Variants in SYT16 observed in about 807,000 individuals in gnomAD.
SYT16 encodes the protein synaptotagmin 16.
In SYT16, 42 loss-of-function variants were observed where a neutral mutation model predicts 61.4. The ratio of observed to expected loss-of-function variants is 0.68; its 90% CI spans 0.53 to 0.89. SYT16 has a LOEUF of 0.89. SYT16 is among the 40% of genes least tolerant of loss of function. SYT16 has a pLI of 0.00. For missense variants in SYT16, 804 were observed against 807.3 expected (o/e 1.00, Z 0.05); for synonymous variants, 314 against 302.3 (o/e 1.04, Z -0.40).
intron 1 of SYT16, among the ~76,000 whole-genome samples, chr14:61,903,557 G>A (rs1373907509): frequency 1.3e-5 from 2 of 152,232 alleles, no homozygotes; most frequent in Non-Finnish European, 2.9e-5. Context: ...TTCCACAAAA[G>A]CAGCAATTCT....
At chr14:62,052,869 C>T (rs568703856) in intron 3 of SYT16, among the ~76,000 whole-genome samples, 2 of 152,308 alleles carry the variant, frequency 1.3e-5, no homozygotes, top group African/African-American at 2.4e-5. Context: ...GATTTCTAGC[C>T]TCAAGAACTA....
At chr14:61,851,505 GAACT>G (rs1043153270) in intron 1 of SYT16, among the ~76,000 whole-genome samples, 2 of 152,164 alleles carry the variant, frequency 1.3e-5, no homozygotes, top group Admixed American at 6.5e-5. Context: ...CACAATGGTT[GAACT>G]AACTTACACT....
At chr14:62,053,818 A>G (rs1595285420) in intron 3 of SYT16, among the ~76,000 whole-genome samples, 1 of 152,334 alleles carries the variant, frequency 6.6e-6, no homozygotes, top group East Asian at 1.9e-4. Context: ...AGGCATTATT[A>G]TACCTAGAGC....
intron 1 of SYT16, among the ~76,000 whole-genome samples, chr14:61,826,815 G>A (rs965594916): frequency 6.6e-6 from 1 of 152,010 alleles, no homozygotes; most frequent in African/African-American, 2.4e-5. Context: ...GTAAGTCCAA[G>A]ACTGAGGTGC....
At chr14:61,821,483 G>T (rs1004095705) in intron 1 of SYT16, among the ~76,000 whole-genome samples, 1 of 152,160 alleles carries the variant, frequency 6.6e-6, no homozygotes, top group African/African-American at 2.4e-5. Flanking sequence ...TCATCTGAAG[G>T]CTTGAGTGGG....
intron 3 of SYT16, among the ~76,000 whole-genome samples, chr14:62,051,546 C>T (rs1360513127): frequency 6.6e-6 from 1 of 152,218 alleles, no homozygotes; most frequent in African/African-American, 2.4e-5. Flanking sequence ...CAGAAATCAC[C>T]CGTCTTCTGC....
intron 3 of SYT16, among the ~76,000 whole-genome samples, chr14:62,056,970 C>T (rs1212043297): frequency 6.6e-6 from 1 of 152,172 alleles, no homozygotes; most frequent in South Asian, 2.1e-4. Context: ...GAAAGTCAGA[C>T]GTGTTCCGAA....
In SYT16 at chr14:62,104,788, A is replaced by G. The variant is rs1043093879; in HGVS notation, c.*4081A>G. 9.2e-5 allele frequency: 14 copies of G among 152,140 alleles called. No homozygotes were observed. The highest frequency in any genetic ancestry group is 3.4e-4 in the African/African-American group (14 of 41,428). The allele number at this position is 152,140 out of a possible 1,614,324, so 9.4% of individuals were successfully genotyped here. On this transcript the variant is annotated 3_prime_UTR_variant, in exon 8 of 8. Coordinates refer to ENST00000683842, the MANE Select transcript of SYT16 (RefSeq NM_001367656.1). The stretch of plus-strand genomic sequence containing the variant: ...TAAGAAAATTACTTAGCCAGCCTGT[A>G]TCCTGGTTTCTTCAACTGGAAAATG...
intron 1 of SYT16, among the ~76,000 whole-genome samples, chr14:61,890,353 G>A (rs541461739): frequency 6.6e-6 from 1 of 152,258 alleles, no homozygotes; most frequent in South Asian, 2.1e-4. Flanking sequence ...CCTTCAAGTT[G>A]CCCATCTCAT....
At position 62,081,173 on chromosome 14, in the gene SYT16, C is replaced by T; in HGVS notation, c.1333C>T (p.Arg445Ter). ...FRLYAARKMTRERMMGEKLFY... is the reference protein window; with the variant it reads ...FRLYAARKMT ...CCTGTACGCTGCCCGGAAGATGACC[C>T]GAGAGAGAATGATGGGAGAGAAACT... The change falls in exon 6 of 8, where the codon CGA becomes TGA. Residue 445 changes from arginine to a stop codon, truncating the protein, a stop_gained. Transcript: ENST00000683842. LOFTEE classifies it high-confidence loss of function. The T allele has an allele frequency of 1.9e-6, 3 of 1,613,840 alleles. No individual in the cohort carries two copies. The highest frequency in any genetic ancestry group is 2.5e-6 in the Non-Finnish European group (3 of 1,179,878).
chr14:61,989,044 G>C (rs542022983), intron 2 of SYT16, among the ~76,000 whole-genome samples: 1 of 152,092 alleles, frequency 6.6e-6, no homozygotes, highest in African/African-American at 2.4e-5. Flanking sequence ...ACTGTAAAAT[G>C]GGAAGGCCAA....
At chr14:61,877,798 C>T (rs1329540212) in intron 1 of SYT16, among the ~76,000 whole-genome samples, 1 of 152,154 alleles carries the variant, frequency 6.6e-6, no homozygotes. Flanking sequence ...TTTACTCTTT[C>T]AGGAGTACCC....
At chr14:61,850,122 TTTTTTC>T (rs1187601263) in intron 1 of SYT16, among the ~76,000 whole-genome samples, 6 of 152,066 alleles carry the variant, frequency 3.9e-5, no homozygotes, top group Non-Finnish European at 5.9e-5. Flanking sequence ...TAATTTGCAT[TTTTTTC>T]TTTTTCTTTT....
chr14:61,855,281 T>A (rs540993154), intron 1 of SYT16, among the ~76,000 whole-genome samples: 76 of 152,202 alleles, frequency 5.0e-4, no homozygotes, highest in Non-Finnish European at 8.2e-4. Flanking sequence ...TAGACTATAA[T>A]TTTGCATGGA....
At chr14:62,075,897 G>C (rs2056479345) in intron 5 of SYT16, among the ~76,000 whole-genome samples, 1 of 152,206 alleles carries the variant, frequency 6.6e-6, no homozygotes, top group Admixed American at 6.5e-5. Flanking sequence ...TAATGATGCA[G>C]ATCTTGCACT....
chr14:61,967,925 T>C (rs1176973182), intron 1 of SYT16, among the ~76,000 whole-genome samples: 1 of 152,110 alleles, frequency 6.6e-6, no homozygotes, highest in East Asian at 1.9e-4. Context: ...GGGAGGTCAG[T>C]GGGAATCTAG....
intron 1 of SYT16, among the ~76,000 whole-genome samples, chr14:61,950,190 C>G (rs1283590287): frequency 1.3e-5 from 2 of 152,150 alleles, no homozygotes; most frequent in African/African-American, 2.4e-5. Flanking sequence ...TATTTAAAAG[C>G]CTCCAACCTC....
intron 1 of SYT16, among the ~76,000 whole-genome samples, chr14:61,924,156 T>TA (rs1464792611): frequency 2.6e-5 from 4 of 152,186 alleles, no homozygotes; most frequent in Admixed American, 1.3e-4. Context: ...TGAACTTGGT[T>TA]ACTCCCAGCA....
intron 1 of SYT16, among the ~76,000 whole-genome samples, chr14:61,965,496 C>T (rs538323194): frequency 2.0e-5 from 3 of 152,260 alleles, no homozygotes; most frequent in East Asian, 1.9e-4. Flanking sequence ...CTTAGCTAGA[C>T]TTGAACTTAT....
Sources: allele counts gnomAD v4.1 joint callset (sites outside exome capture counted in the v4.1 genomes callset), GRCh38; gene constraint gnomAD v4.1.1; transcripts MANE v1.5; gene names NCBI Gene and HGNC (gene_info 2026-07-23, HGNC 2026-07-21).